The following SOS1 variants were observed in gnomAD, a reference collection of about 807,000 sequenced individuals.
SOS1 encodes son of sevenless homolog 1.
A neutral mutation model predicts 157.6 loss-of-function variants in SOS1; 25 were observed. The observed-to-expected ratio is 0.16, with a 90% CI of 0.12 to 0.22. SOS1 has a LOEUF of 0.22. SOS1 is among the 10% of genes least tolerant of loss of function. The pLI, the probability that SOS1 is intolerant of heterozygous loss-of-function variation, is 1.00. For missense variants in SOS1, 1,237 were observed against 1,599.1 expected, an observed-to-expected ratio of 0.77 and a Z score of 3.86; for synonymous variants, 528 against 534.0, an observed-to-expected ratio of 0.99 and a Z score of 0.16.
Position 39,051,904 on chromosome 2 carries a change from A to G in SOS1, c.721-617T>C, listed in dbSNP as rs1328940878. ...TTTATTGAGATAAAACTCACATACC[A>G]TAAAATTCACTCATTAAAAGTGTAG... On this transcript the variant is annotated intron_variant, in intron 5 of 22. Transcript: ENST00000402219. Among the ~76,000 whole-genome samples, 3 of 152,218 alleles carry G rather than the reference A, an allele frequency of 2.0e-5. No individual in the cohort carries two copies. In the East Asian group the frequency reaches 5.8e-4, roughly 29 times the overall value.
chr2:39,058,088 T>C (rs1226443201), intron 3 of SOS1, among the ~76,000 whole-genome samples: 1 of 152,140 alleles, frequency 6.6e-6, no homozygotes, highest in Non-Finnish European at 1.5e-5. Context: ...TTAATTATTA[T>C]AATACCTATA....
chr2:39,029,050 C>T (rs2124549675), intron 8 of SOS1, among the ~76,000 whole-genome samples: 1 of 152,230 alleles, frequency 6.6e-6, no homozygotes, highest in African/African-American at 2.4e-5. Flanking sequence ...TTTGCCATGA[C>T]ATCATTTTAA....
intron 21 of SOS1, 138 bp from the exon 22 acceptor site, chr2:38,987,729 C>T (rs1040023115): frequency 3.1e-6 from 2 of 645,372 alleles, no homozygotes; most frequent in South Asian, 1.7e-5. Flanking sequence ...TAAACCAATA[C>T]CGAATAGTAT....
Position 38,985,988 on chromosome 2 carries a change from G to C in SOS1, c.3838C>G (p.Gln1280Glu), listed in dbSNP as rs548519280. ...RRHLPSPPLTQEVDLHSIAGP... is the reference protein window; with the variant it reads ...RRHLPSPPLTEEVDLHSIAGP... ...GCAATGGAATGAAGGTCCACTTCTT[G>C]TGTCAATGGTGGTGATGGCAGATGC... is the stretch of plus-strand genomic sequence containing the variant. Residue 1280 changes from glutamine (Q) to glutamate (E), a missense_variant, in exon 23 of 23, where the codon CAA becomes GAA. Around this residue, in one of 15 missense-constraint regions of SOS1, gnomAD observed 306 missense variants for 322.6 expected, o/e 0.95. Transcript: ENST00000402219. The C allele has an allele frequency of 6.2e-7, 1 of 1,613,920 alleles. No homozygotes were observed. The highest frequency in any genetic ancestry group is 8.5e-7 in the Non-Finnish European group (1 of 1,179,852).
Position 39,062,639 on chromosome 2 carries a change from G to A in SOS1, c.214-3835C>T, listed in dbSNP as rs183293524. Reference sequence around the variant, plus strand: ...TGAGATGAATGAGGAAAAGAAAAATGTATCACTGTCCTGAGAAATCAAAGC... The same window carrying A: ...TGAGATGAATGAGGAAAAGAAAAATATATCACTGTCCTGAGAAATCAAAGC... On this transcript the variant is annotated intron_variant, in intron 2 of 22. Transcript: ENST00000402219. 3.4e-5 allele frequency among the ~76,000 whole-genome samples: 5 copies of A among 148,968 alleles called. 1 individual carries two copies. The South Asian group carries it at 1.1e-3, about 31-fold the overall frequency.
Position 39,012,352 on chromosome 2 carries a change from C to A in SOS1, c.2168-4G>T, listed in dbSNP as rs1669496610. 2 of 1,405,492 alleles carry A rather than the reference C, an allele frequency of 1.4e-6. No individual in the cohort carries two copies. The highest frequency in any genetic ancestry group is 1.7e-5 in the Admixed American group (1 of 59,444). 87.1% of individuals were successfully genotyped at this position (1,405,492 alleles called of 1,614,324 possible). A position where few individuals can be genotyped will look rare whatever the true frequency, so the allele number is the denominator to read the frequency against. On this transcript the variant is annotated splice_polypyrimidine_tract_variant and splice_region_variant and intron_variant, in intron 13 of 22. Coordinates refer to ENST00000402219, the MANE Select transcript of SOS1 (RefSeq NM_005633.4). The stretch of plus-strand genomic sequence containing the variant: ...ACCCATTTTTTCATTGCTTTACCTG[C>A]AATACATTATATTTTAAATAACATT...
At position 38,989,284 on chromosome 2, in the gene SOS1, A is replaced by C; in HGVS notation, c.3377T>G (p.Leu1126Arg). The change falls in exon 21 of 23, where the codon CTG (leucine) becomes CGG (arginine). Residue 1126 changes from leucine (L) to arginine (R), a missense_variant. Coordinates refer to ENST00000402219, the MANE Select transcript of SOS1 (RefSeq NM_005633.4). ...SNDTVFIQVT[L>R]PHGPRSASVS... ...AATATACTAACTTGGGCCATGGGGC[A>C]GAGTAACTTGGATAAAGACGGTATC... The C allele has an allele frequency of 6.2e-7, 1 of 1,606,650 alleles. No homozygotes were observed. The highest frequency in any genetic ancestry group is 1.7e-5 in the Admixed American group (1 of 59,896).
At chr2:39,119,542 A>G (rs1322965638) in intron 1 of SOS1, among the ~76,000 whole-genome samples, 1 of 152,256 alleles carries the variant, frequency 6.6e-6, no homozygotes, top group Non-Finnish European at 1.5e-5. Context: ...AGAAAAGGTA[A>G]ATGAAGAAAA....
At chr2:39,071,865 T>C (rs572160321) in intron 1 of SOS1, among the ~76,000 whole-genome samples, 7 of 151,886 alleles carry the variant, frequency 4.6e-5, no homozygotes, top group African/African-American at 7.2e-5. Context: ...CTGTTCCCCA[T>C]GCCTGTCATT....
chr2:38,987,255 C>T (rs1234332784), intron 22 of SOS1, among the ~76,000 whole-genome samples: 1 of 152,092 alleles, frequency 6.6e-6, no homozygotes, highest in Non-Finnish European at 1.5e-5. Context: ...ATAACCATAG[C>T]CTTAGGTTTA....
At chr2:39,096,148 G>T (rs1258424140) in intron 1 of SOS1, among the ~76,000 whole-genome samples, 1 of 152,114 alleles carries the variant, frequency 6.6e-6, no homozygotes, top group Non-Finnish European at 1.5e-5. Context: ...ACCTAGACAG[G>T]GGAAAGCAAG....
intron 10 of SOS1, 135 bp downstream of exon 10, chr2:39,022,435 G>T (rs1669827127): frequency 1.5e-6 from 1 of 686,768 alleles, no homozygotes; most frequent in African/African-American, 1.8e-5. Context: ...ATATAAAGTG[G>T]GGTATTTTTA....
chr2:39,120,836 C>T lies in SOS1; in HGVS notation c.-414G>A, dbSNP rs1002744865. On this transcript the variant is annotated 5_prime_UTR_variant, in exon 1 of 23. Coordinates refer to ENST00000402219, the MANE Select transcript of SOS1 (RefSeq NM_005633.4). ...GGGGAGGACGTGTGGAGGGACGCTC[C>T]GGCCGCGGCGCCCGCTCCGCGTAGT... 6.6e-6 allele frequency among the ~76,000 whole-genome samples: 1 copy of T among 151,122 alleles called. No individual in the cohort carries two copies. Among genetic ancestry groups the T allele is most frequent in the Non-Finnish European group, 1.5e-5 (1 of 67,672 alleles).
intron 8 of SOS1, among the ~76,000 whole-genome samples, chr2:39,033,804 TG>T (rs1370607238): frequency 6.6e-6 from 1 of 152,208 alleles, no homozygotes; most frequent in African/African-American, 2.4e-5. Flanking sequence ...CCCAAAGTGC[TG>T]GAACTACAGG....
At chr2:39,068,123 A>T (rs1397110425) in intron 1 of SOS1, among the ~76,000 whole-genome samples, 1 of 152,184 alleles carries the variant, frequency 6.6e-6, no homozygotes, top group Non-Finnish European at 1.5e-5. Flanking sequence ...TGTCTCAAAA[A>T]TAAGAAGTGG....
intron 1 of SOS1, among the ~76,000 whole-genome samples, chr2:39,087,857 T>C (rs1422022546): frequency 6.6e-6 from 1 of 151,938 alleles, no homozygotes; most frequent in Non-Finnish European, 1.5e-5. Flanking sequence ...TTTTAAAATT[T>C]TTTTAGAGAT....
chr2:38,990,343 A>G (rs1247685426), intron 20 of SOS1, among the ~76,000 whole-genome samples: 1 of 152,000 alleles, frequency 6.6e-6, no homozygotes, highest in African/African-American at 2.4e-5. Context: ...TTTATTTGGA[A>G]CCTATGATTC....
At chr2:39,085,500 T>C (rs1672339676) in intron 1 of SOS1, among the ~76,000 whole-genome samples, 2 of 152,262 alleles carry the variant, frequency 1.3e-5, no homozygotes, top group African/African-American at 4.8e-5. Context: ...AGTGTCTTTC[T>C]ACTATCTTCA....
At chr2:39,084,128 T>G (rs1331211372) in intron 1 of SOS1, among the ~76,000 whole-genome samples, 1 of 152,180 alleles carries the variant, frequency 6.6e-6, no homozygotes, top group African/African-American at 2.4e-5. Context: ...ATCTTCATCT[T>G]GGGCTTCTAG....
Sources: gnomAD v4.1 joint callset for allele counts (sites outside exome capture counted in the v4.1 genomes callset) on GRCh38, gnomAD v4.1.1 for gene constraint, gnomAD v4.1.1 regional missense constraint, MANE v1.5 for transcripts, NCBI Gene and HGNC (gene_info 2026-07-23, HGNC 2026-07-21) for gene names.